BBS2: variants seen among roughly 807,000 people sequenced by gnomAD.
BBS2 encodes the protein Bardet-Biedl syndrome 2, also known as BBSome complex member BBS2.
In BBS2, 62 loss-of-function variants were observed where a neutral mutation model predicts 83.0. The observed-to-expected ratio is 0.75, with a 90% CI of 0.61 to 0.92. The LOEUF (loss-of-function observed/expected upper bound fraction) is 0.92, where lower values mean the gene tolerates loss of function less well. Ranked by LOEUF, BBS2 falls within the 40% of genes least tolerant of loss-of-function variation. The probability of loss-of-function intolerance (pLI) is 0.00; values close to 1 mark genes in which losing one functional copy is unlikely to be tolerated. For synonymous variants in BBS2, 303 were observed against 326.1 expected, an observed-to-expected ratio of 0.93 and a Z score of 0.76; for missense variants, 784 against 901.0, an observed-to-expected ratio of 0.87 and a Z score of 1.66.
At chr16:56,474,850 A>G in intron 17 of BBS2, 1 of 1,612,896 alleles carries the variant, frequency 6.2e-7, no homozygotes, top group Non-Finnish European at 8.5e-7. Context: ...CCATGTGCCA[A>G]GGGGAACTGA....
chr16:56,476,868 C>T (rs182487482), intron 17 of BBS2: 2 of 152,412 alleles, frequency 1.3e-5, no homozygotes, highest in Non-Finnish European at 2.9e-5. Context: ...TGGTGGCTCA[C>T]GCCTGTAATC....
At chr16:56,475,490 T>G in intron 17 of BBS2, 1 of 1,613,330 alleles carries the variant, frequency 6.2e-7, no homozygotes, top group Middle Eastern at 1.7e-4. Context: ...GAATGCTGTT[T>G]GTTTTTCTCT....
chr16:56,511,255 C>A lies in BBS2; in HGVS notation c.375G>T (p.Leu125=). The change falls in exon 3 of 17, where the codon CTG becomes CTT. Residue 125 remains leucine (L), a synonymous_variant. Transcript: ENST00000245157. ...EVADGANAIV[L]GTLGDISSPL... Reference sequence around the variant, plus strand: ...GGGAAGAAATGTCTCCCAATGTCCCCAGCACAATTGCATTTGCCCCATCTG... The same window carrying A: ...GGGAAGAAATGTCTCCCAATGTCCCAAGCACAATTGCATTTGCCCCATCTG... 1 of 1,614,100 alleles carries A rather than the reference C, an allele frequency of 6.2e-7. No individual in the cohort carries two copies. Among genetic ancestry groups the A allele is most frequent in the Non-Finnish European group, 8.5e-7 (1 of 1,180,014 alleles).
chr16:56,486,967 T>G (rs1374168475), intron 15 of BBS2, among the ~76,000 whole-genome samples: 1 of 152,062 alleles, frequency 6.6e-6, no homozygotes, highest in Non-Finnish European at 1.5e-5. Context: ...TTTCACCATG[T>G]TGGCCAGGCT....
At chr16:56,513,468 A>T (rs1370363017) in intron 2 of BBS2, among the ~76,000 whole-genome samples, 1 of 152,254 alleles carries the variant, frequency 6.6e-6, no homozygotes, top group African/African-American at 2.4e-5. Flanking sequence ...TGATAAATGG[A>T]TAAATAAAAT....
chr16:56,497,897 T>C lies in BBS2; in HGVS notation c.1660-17A>G, dbSNP rs773367991. The C allele has an allele frequency of 3.7e-6, 6 of 1,605,758 alleles. No homozygotes were observed. The highest frequency in any genetic ancestry group is 3.3e-5 in the Admixed American group (2 of 59,922). On this transcript the variant is annotated splice_polypyrimidine_tract_variant and intron_variant, in intron 13 of 16. Coordinates refer to ENST00000245157, the MANE Select transcript of BBS2 (RefSeq NM_031885.5). ...TATAGTGATCTACCCAGAGAAAAAA[T>C]AGACAAGTTTAGCATCCTCAGATGT...
intron 2 of BBS2, 54 bp from the exon 3 acceptor site, chr16:56,511,338 A>G: frequency 4.4e-6 from 7 of 1,608,780 alleles, no homozygotes; most frequent in Admixed American, 1.7e-5. Flanking sequence ...GCAGGCCCAC[A>G]TATTAATTGG....
chr16:56,501,318 G>T (rs79492935), intron 10 of BBS2, 35 bp downstream of exon 10: 204 of 1,611,664 alleles, frequency 1.3e-4, no homozygotes, highest in Non-Finnish European at 1.6e-4. Flanking sequence ...GATGGCACAG[G>T]TGCCTCTAAA....
In BBS2 at chr16:56,501,495, A is replaced by T. The variant is rs951758684; in HGVS notation, c.1083T>A (p.Ala361=). ...ELRNYEENAK[A]ELASPLNEAD... is the part of the protein sequence containing the mutation. ...CCTCGTTCAGTGGACTGGCCAATTC[A>T]GCCTGCAAAACACCCCACCCATTTC... The change falls in exon 10 of 17, where the codon GCT becomes GCA. Residue 361 remains alanine, a splice_region_variant and synonymous_variant. Coordinates refer to ENST00000245157, the MANE Select transcript of BBS2 (RefSeq NM_031885.5). 6 of 1,614,202 alleles carry T rather than the reference A, an allele frequency of 3.7e-6. No homozygotes were observed. The highest frequency in any genetic ancestry group is 4.2e-6 in the Non-Finnish European group (5 of 1,180,024).
chr16:56,519,187 C>T (rs1964840166), intron 1 of BBS2, among the ~76,000 whole-genome samples: 1 of 151,800 alleles, frequency 6.6e-6, no homozygotes, highest in Admixed American at 6.6e-5. Context: ...AAAAATTAGC[C>T]AGGCGTGGTG....
chr16:56,515,320 T>C (rs1389615098), intron 1 of BBS2, among the ~76,000 whole-genome samples: 2 of 152,176 alleles, frequency 1.3e-5, no homozygotes, highest in African/African-American at 4.8e-5. Context: ...TTTCCTAGAC[T>C]TCACCTGTAA....
At chr16:56,494,497 C>T (rs530219858) in intron 15 of BBS2, among the ~76,000 whole-genome samples, 2 of 152,146 alleles carry the variant, frequency 1.3e-5, no homozygotes, top group Admixed American at 6.5e-5. Flanking sequence ...TGTAAAAGAA[C>T]CAGGACTCGA....
chr16:56,515,078 C>T (rs1964695642), intron 1 of BBS2, among the ~76,000 whole-genome samples: 3 of 151,958 alleles, frequency 2.0e-5, no homozygotes, highest in Admixed American at 2.0e-4. Flanking sequence ...TAAACACTTC[C>T]TTTATTATCT....
intron 17 of BBS2, among the ~76,000 whole-genome samples, chr16:56,475,255 CTT>C (rs1161539686): frequency 1.3e-5 from 2 of 152,134 alleles, no homozygotes; most frequent in Non-Finnish European, 2.9e-5. Flanking sequence ...TTAATTCTCT[CTT>C]AATTTTCATA....
At position 56,492,763 on chromosome 16, in the gene BBS2, C is replaced by T. The variant is rs370530862; in HGVS notation, c.1910+4204G>A. The stretch of plus-strand genomic sequence containing the variant: ...GCAAGGCTGAAGAGAAACAGGCAAT[C>T]TCATACATTGCTTATGGGAATACAA... On this transcript the variant is annotated intron_variant, in intron 15 of 16. Coordinates refer to ENST00000245157, the MANE Select transcript of BBS2 (RefSeq NM_031885.5). 6.6e-4 allele frequency among the ~76,000 whole-genome samples: 101 copies of T among 152,298 alleles called. No homozygotes were observed. The South Asian group carries it at 0.021, about 32-fold the overall frequency.
Position 56,497,763 on chromosome 16 carries a change from A to G in BBS2, c.1777T>C (p.Leu593=), listed in dbSNP as rs767778599. ...CTCACCTTAACTAGCACCTTTCGTA[A>G]TTCCTCAAAATAGACAGGAAAATCC... ...EADFPVYFEE[L]RKVLVKVDEY... The change falls in exon 14 of 17, where the codon TTA becomes CTA. Residue 593 remains leucine, a synonymous_variant. Coordinates refer to ENST00000245157, the MANE Select transcript of BBS2 (RefSeq NM_031885.5). The G allele has an allele frequency of 6.2e-7, 1 of 1,613,500 alleles. No homozygotes were observed. The highest frequency in any genetic ancestry group is 8.5e-7 in the Non-Finnish European group (1 of 1,179,886).
chr16:56,503,404 A>G (rs1964333773), intron 7 of BBS2, among the ~76,000 whole-genome samples: 1 of 152,242 alleles, frequency 6.6e-6, no homozygotes, highest in African/African-American at 2.4e-5. Flanking sequence ...AGTATGTTGA[A>G]TCTGAAGTTC....
intron 2 of BBS2, among the ~76,000 whole-genome samples, chr16:56,513,991 G>GA (rs141747768): frequency 2.6e-3 from 397 of 152,244 alleles, no homozygotes; most frequent in South Asian, 4.8e-3. Flanking sequence ...CTTTCTAGAT[G>GA]AAAAAATAGG....
At chr16:56,470,405 C>A, downstream of BBS2, 2 of 1,256,616 alleles carry the variant, frequency 1.6e-6, no homozygotes, top group Admixed American at 2.2e-5. Context: ...AAGAGAGGTA[C>A]AAAGCTAACG....
Sources: gnomAD v4.1 joint callset for allele counts (sites outside exome capture counted in the v4.1 genomes callset) on GRCh38, gnomAD v4.1.1 for gene constraint, MANE v1.5 for transcripts, NCBI Gene and HGNC (gene_info 2026-07-23, HGNC 2026-07-21) for gene names.